Variants in CDH12 observed in about 807,000 individuals in gnomAD.
CDH12 encodes the protein cadherin 12.
CDH12 carries 41 observed loss-of-function variants against 74.1 expected under a neutral mutation model. That is an observed-to-expected ratio of 0.55 (90% CI 0.43 to 0.72). The LOEUF (loss-of-function observed/expected upper bound fraction) is 0.72. Ranked by LOEUF, CDH12 falls within the 30% of genes least tolerant of loss-of-function variation. The probability of loss-of-function intolerance (pLI) is 0.00; values close to 1 mark genes in which losing one functional copy is unlikely to be tolerated. For missense variants in CDH12, 945 were observed against 977.2 expected, an observed-to-expected ratio of 0.97 and a Z score of 0.44; for synonymous variants, 399 against 355.0, an observed-to-expected ratio of 1.12 and a Z score of -1.39.
intron 4 of CDH12, among the ~76,000 whole-genome samples, chr5:22,184,750 T>C (rs1236884940): frequency 1.3e-5 from 2 of 152,336 alleles, no homozygotes; most frequent in East Asian, 3.9e-4. Flanking sequence ...CTTACTCTGC[T>C]GTGAATATCA....
chr5:22,430,425 T>G (rs1291688919), intron 2 of CDH12, among the ~76,000 whole-genome samples: 1 of 152,214 alleles, frequency 6.6e-6, no homozygotes, highest in African/African-American at 2.4e-5. Flanking sequence ...TATTTGGTTT[T>G]TGGTAAATTT....
chr5:22,764,552 T>C (rs1344620834), intron 1 of CDH12, among the ~76,000 whole-genome samples: 1 of 151,994 alleles, frequency 6.6e-6, no homozygotes, highest in African/African-American at 2.4e-5. Context: ...CATGGTATTA[T>C]AAAATCTCAA....
chr5:22,768,330 T>C (rs1274013869), intron 1 of CDH12, among the ~76,000 whole-genome samples: 1 of 152,094 alleles, frequency 6.6e-6, no homozygotes, highest in Non-Finnish European at 1.5e-5. Context: ...TAAATATAAC[T>C]GACTTTGCAT....
At chr5:22,464,054 A>G (rs1247024306) in intron 2 of CDH12, among the ~76,000 whole-genome samples, 2 of 152,196 alleles carry the variant, frequency 1.3e-5, no homozygotes, top group African/African-American at 4.8e-5. Context: ...AGGTGATTCA[A>G]TCACAGGGAC....
chr5:22,014,304 A>C (rs1737469615), intron 5 of CDH12, among the ~76,000 whole-genome samples: 1 of 152,198 alleles, frequency 6.6e-6, no homozygotes, highest in Non-Finnish European at 1.5e-5. Flanking sequence ...ATTGGTTGGA[A>C]TATCCCATAA....
At chr5:21,894,290 A>T (rs1017707277) in intron 6 of CDH12, among the ~76,000 whole-genome samples, 4 of 151,446 alleles carry the variant, frequency 2.6e-5, no homozygotes, top group Admixed American at 2.6e-4. Context: ...GAGACAGGAG[A>T]ATTGCTTGAA....
intron 3 of CDH12, among the ~76,000 whole-genome samples, chr5:22,243,873 G>A (rs1752828376): frequency 6.6e-6 from 1 of 152,066 alleles, no homozygotes; most frequent in African/African-American, 2.4e-5. Context: ...GTTCATACAA[G>A]AACGAACACA....
At chr5:22,720,793 C>A (rs1420836055) in intron 1 of CDH12, among the ~76,000 whole-genome samples, 1 of 152,136 alleles carries the variant, frequency 6.6e-6, no homozygotes, top group Admixed American at 6.5e-5. Flanking sequence ...GGAAGTGGAA[C>A]AAAGGTCACC....
chr5:22,548,862 T>C (rs925634390), intron 1 of CDH12, among the ~76,000 whole-genome samples: 2 of 152,104 alleles, frequency 1.3e-5, no homozygotes, highest in Non-Finnish European at 2.9e-5. Context: ...CTCTCTTTCC[T>C]CTCCCCCTTT....
intron 1 of CDH12, among the ~76,000 whole-genome samples, chr5:22,591,732 C>T (rs1392638561): frequency 1.3e-5 from 2 of 152,096 alleles, no homozygotes; most frequent in Non-Finnish European, 1.5e-5. Context: ...TTGAGTTTTC[C>T]ATAACACATA....
intron 1 of CDH12, among the ~76,000 whole-genome samples, chr5:22,738,331 G>A (rs1744848846): frequency 6.6e-6 from 1 of 152,014 alleles, no homozygotes; most frequent in South Asian, 2.1e-4. Context: ...TGTGGTCAGA[G>A]ACACATGCTT....
At chr5:22,606,398 C>T (rs1737118863) in intron 1 of CDH12, among the ~76,000 whole-genome samples, 1 of 152,144 alleles carries the variant, frequency 6.6e-6, no homozygotes, top group Non-Finnish European at 1.5e-5. Flanking sequence ...AAAAATCTCA[C>T]CTTGAATTGT....
chr5:21,947,537 C>G (rs983143007), intron 6 of CDH12, among the ~76,000 whole-genome samples: 4 of 152,174 alleles, frequency 2.6e-5, no homozygotes, highest in African/African-American at 9.7e-5. Flanking sequence ...TCCTAGAGAT[C>G]TGTGGAACTT....
At chr5:22,614,728 T>C (rs986326733) in intron 1 of CDH12, among the ~76,000 whole-genome samples, 3 of 152,070 alleles carry the variant, frequency 2.0e-5, no homozygotes, top group African/African-American at 7.2e-5. Context: ...TACAGTATTT[T>C]CCCCTTATCC....
intron 1 of CDH12, among the ~76,000 whole-genome samples, chr5:22,583,229 C>T (rs1740194158): frequency 6.6e-6 from 1 of 152,014 alleles, no homozygotes; most frequent in South Asian, 2.1e-4. Flanking sequence ...AATGTGTTGA[C>T]CAGTCACATC....
chr5:21,822,577 C>T (rs1206879191), intron 8 of CDH12, among the ~76,000 whole-genome samples: 1 of 151,936 alleles, frequency 6.6e-6, no homozygotes, highest in Non-Finnish European at 1.5e-5. Context: ...TGGGTTCAAG[C>T]TGGATTTTAG....
chr5:21,926,670 A>G (rs1049468344), intron 6 of CDH12, among the ~76,000 whole-genome samples: 1 of 152,128 alleles, frequency 6.6e-6, no homozygotes. Flanking sequence ...CTCTTGTTCT[A>G]TGGAGGAGGA....
rs79916732 is a variant in CDH12 at position 22,228,305 on chromosome 5, G to A, written c.-332-15662C>T. 4.3e-3 allele frequency among the ~76,000 whole-genome samples: 655 copies of A among 152,030 alleles called. 6 individuals are homozygous for A. Among genetic ancestry groups the A allele is most frequent in the African/African-American group, 0.015 (621 of 41,470 alleles). On this transcript the variant is annotated intron_variant, in intron 3 of 14. Coordinates refer to ENST00000382254, the MANE Select transcript of CDH12 (RefSeq NM_004061.5). ...AAAGACATTGGCCAAATATAACACCGTAGCAGCATATGGTATGTTCATATG... is the reference window on the plus strand; with the variant it reads ...AAAGACATTGGCCAAATATAACACCATAGCAGCATATGGTATGTTCATATG...
intron 5 of CDH12, among the ~76,000 whole-genome samples, chr5:21,998,880 G>A (rs1311172038): frequency 3.3e-5 from 5 of 152,060 alleles, no homozygotes; most frequent in Non-Finnish European, 5.9e-5. Flanking sequence ...TCAAAATGAG[G>A]CATAGATAAA....
Sources: gnomAD v4.1 joint callset for allele counts (sites outside exome capture counted in the v4.1 genomes callset) on GRCh38, gnomAD v4.1.1 for gene constraint, MANE v1.5 for transcripts, NCBI Gene and HGNC (gene_info 2026-07-23, HGNC 2026-07-21) for gene names.